The following GLDC variants were observed in gnomAD, a reference collection of about 807,000 sequenced individuals.
The protein encoded by GLDC is glycine dehydrogenase (decarboxylating), mitochondrial.
GLDC carries 104 observed loss-of-function variants against 121.3 expected under a neutral mutation model. That is an observed-to-expected ratio of 0.86 (90% CI 0.73 to 1.01). GLDC has a LOEUF of 1.01. GLDC is among the 50% of genes least tolerant of loss of function. GLDC has a pLI of 0.00. For synonymous variants in GLDC, 546 were observed against 480.6 expected (o/e 1.14, Z -1.78); for missense variants, 1,429 against 1,306.6 (o/e 1.09, Z -1.44).
At chr9:6,598,173 G>C (rs1187218707) in intron 8 of GLDC, among the ~76,000 whole-genome samples, 1 of 152,094 alleles carries the variant, frequency 6.6e-6, no homozygotes, top group Non-Finnish European at 1.5e-5. Context: ...GGATACTGGT[G>C]TGTACCACAA....
intron 21 of GLDC, chr9:6,540,366 T>A: frequency 3.7e-6 from 2 of 533,524 alleles, no homozygotes; most frequent in Non-Finnish European, 6.7e-6. Context: ...ATGTGTCTTA[T>A]CTTCAGCTCA....
At chr9:6,602,951 C>G (rs111713542) in intron 7 of GLDC, among the ~76,000 whole-genome samples, 3,449 of 152,008 alleles carry the variant, frequency 0.023, 130 homozygotes, top group African/African-American at 0.078. Flanking sequence ...TTATGAGCCG[C>G]GCATGGTGGC....
At chr9:6,535,738 CT>C (rs1478208815) in intron 23 of GLDC, among the ~76,000 whole-genome samples, 1 of 152,150 alleles carries the variant, frequency 6.6e-6, no homozygotes, top group Non-Finnish European at 1.5e-5. Context: ...AGAATGTGTG[CT>C]TGTACAGAGT....
intron 11 of GLDC, 104 bp from the exon 12 acceptor site, chr9:6,589,396 C>T (rs1191637481): frequency 1.6e-6 from 1 of 618,540 alleles, no homozygotes; most frequent in East Asian, 3.0e-5. Context: ...CAAAATGGAT[C>T]AAATATATAA....
chr9:6,593,035 C>T (rs375845021), intron 9 of GLDC, 45 bp from the exon 10 acceptor site: 1 of 1,602,612 alleles, frequency 6.2e-7, no homozygotes, highest in Non-Finnish European at 8.6e-7. Flanking sequence ...TAGAAACCTG[C>T]TCCTCAGCCA....
rs1048903688 is a variant in GLDC at position 6,559,720 on chromosome 9, C to G, written c.1927-1036G>C. Among the ~76,000 whole-genome samples the G allele has an allele frequency of 5.3e-5, 8 of 151,174 alleles. 1 individual carries two copies. The highest frequency in any genetic ancestry group is 1.9e-4 in the East Asian group (1 of 5,160). ...GTCCCAGCTACTCAGGAGGCTGAGA[C>G]AGAAGATTCGCTTGAATCCGGGAGG... is the stretch of plus-strand genomic sequence containing the variant. On this transcript the variant is annotated intron_variant, in intron 16 of 24. Coordinates refer to ENST00000321612, the MANE Select transcript of GLDC (RefSeq NM_000170.3).
At chr9:6,595,484 G>A (rs888463876) in intron 8 of GLDC, among the ~76,000 whole-genome samples, 30 of 152,290 alleles carry the variant, frequency 2.0e-4, no homozygotes, top group African/African-American at 6.3e-4. Flanking sequence ...GGGAGAAAAA[G>A]TGAGATCTGA....
At chr9:6,610,907 T>C (rs1467612570) in intron 3 of GLDC, among the ~76,000 whole-genome samples, 1 of 152,234 alleles carries the variant, frequency 6.6e-6, no homozygotes, top group Non-Finnish European at 1.5e-5. Context: ...AGGCTACCTA[T>C]AATATCATAA....
intron 15 of GLDC, among the ~76,000 whole-genome samples, chr9:6,570,228 T>C (rs1817932722): frequency 6.6e-6 from 1 of 152,232 alleles, no homozygotes; most frequent in South Asian, 2.1e-4. Flanking sequence ...ACAGTATTTG[T>C]GTTCTCAAAT....
At chr9:6,559,904 C>T (rs139398898) in intron 16 of GLDC, among the ~76,000 whole-genome samples, 79 of 152,288 alleles carry the variant, frequency 5.2e-4, no homozygotes, top group African/African-American at 1.9e-3. Context: ...CTGTGAATGA[C>T]TGTCTAGAGT....
intron 3 of GLDC, among the ~76,000 whole-genome samples, chr9:6,619,899 C>T (rs928666047): frequency 6.6e-6 from 1 of 152,222 alleles, no homozygotes; most frequent in East Asian, 1.9e-4. Flanking sequence ...TACTCAAATA[C>T]AGCACAGAAA....
Position 6,588,437 on chromosome 9 carries a change from G to C in GLDC, c.1671C>G (p.Ser557=), listed in dbSNP as rs2129836432. 6.2e-7 allele frequency: 1 copy of C among 1,611,760 alleles called. No homozygotes were observed. Among genetic ancestry groups the C allele is most frequent in the Non-Finnish European group, 8.5e-7 (1 of 1,177,884 alleles). The change falls in exon 14 of 25, where the codon TCC becomes TCG. Residue 557 remains serine (S), a synonymous_variant. Coordinates refer to ENST00000321612, the MANE Select transcript of GLDC (RefSeq NM_000170.3). ...SLVHSMIPLG[S]CTMKLNSSSE... ...ACGAACTGTTCAGTTTCATGGTGCA[G>C]GATCCCTTTAAGAAGAACATCCAAA...
intron 11 of GLDC, among the ~76,000 whole-genome samples, chr9:6,589,502 C>T (rs1563849894): frequency 6.6e-6 from 1 of 152,178 alleles, no homozygotes; most frequent in Non-Finnish European, 1.5e-5. Context: ...ACGATCTCAA[C>T]TCACTGTAGC....
chr9:6,599,465 G>A (rs1236293891), intron 8 of GLDC, among the ~76,000 whole-genome samples: 4 of 152,094 alleles, frequency 2.6e-5, no homozygotes, highest in African/African-American at 9.7e-5. Flanking sequence ...GCTTATGCCT[G>A]TAATCCCAGC....
At chr9:6,634,838 C>T (rs1328686464) in intron 2 of GLDC, among the ~76,000 whole-genome samples, 2 of 152,134 alleles carry the variant, frequency 1.3e-5, no homozygotes, top group African/African-American at 4.8e-5. Context: ...CGCTTCTCCC[C>T]CTCCCTCTCC....
intron 15 of GLDC, among the ~76,000 whole-genome samples, chr9:6,580,007 C>T (rs1208374546): frequency 6.6e-6 from 1 of 152,192 alleles, no homozygotes; most frequent in Non-Finnish European, 1.5e-5. Context: ...GGGAGAATCT[C>T]CTCATCTACA....
intron 20 of GLDC, 44 bp downstream of exon 20, chr9:6,553,324 C>T (rs368399158): frequency 2.8e-5 from 45 of 1,592,844 alleles, no homozygotes; most frequent in South Asian, 1.4e-4. Context: ...GCATGCCTGA[C>T]GCCCCCACCC....
At chr9:6,603,643 A>T (rs1818666505) in intron 7 of GLDC, among the ~76,000 whole-genome samples, 1 of 152,126 alleles carries the variant, frequency 6.6e-6, no homozygotes, top group Non-Finnish European at 1.5e-5. Flanking sequence ...AGCTTTTATC[A>T]AAGGTCAAAA....
At chr9:6,626,823 C>T (rs908929839) in intron 2 of GLDC, among the ~76,000 whole-genome samples, 2 of 152,180 alleles carry the variant, frequency 1.3e-5, no homozygotes, top group African/African-American at 4.8e-5. Context: ...GCCACTCAGG[C>T]ACTGGTCATG....
Sources: gnomAD v4.1 joint callset for allele counts (sites outside exome capture counted in the v4.1 genomes callset) on GRCh38, gnomAD v4.1.1 for gene constraint, MANE v1.5 for transcripts, NCBI Gene and HGNC (gene_info 2026-07-23, HGNC 2026-07-21) for gene names.